The following GALNTL6 variants were observed in gnomAD, a reference collection of about 807,000 sequenced individuals.
The protein encoded by GALNTL6 is polypeptide N-acetylgalactosaminyltransferase-like 6.
GALNTL6 carries 46 observed loss-of-function variants against 73.7 expected under a neutral mutation model. The ratio of observed to expected loss-of-function variants is 0.62; its 90% CI spans 0.49 to 0.80. The LOEUF (loss-of-function observed/expected upper bound fraction) is 0.80, where lower values mean the gene tolerates loss of function less well. Ranked by LOEUF, GALNTL6 falls within the 30% of genes least tolerant of loss-of-function variation. The pLI is 0.00. For missense variants in GALNTL6, 604 were observed against 755.0 expected, an observed-to-expected ratio of 0.80 and a Z score of 2.34; for synonymous variants, 259 against 263.7, an observed-to-expected ratio of 0.98 and a Z score of 0.17.
At chr4:172,667,630 G>A (rs1252972535) in intron 5 of GALNTL6, 1 of 152,272 alleles carries the variant, frequency 6.6e-6, no homozygotes, top group Non-Finnish European at 1.5e-5. Context: ...TTTTTGGGGT[G>A]GCATCTTCCT....
chr4:172,702,752 T>C (rs1258594234), intron 5 of GALNTL6, among the ~76,000 whole-genome samples: 1 of 152,066 alleles, frequency 6.6e-6, no homozygotes, highest in Non-Finnish European at 1.5e-5. Flanking sequence ...AATAAATTTC[T>C]GTTGTTTACA....
chr4:172,327,350 C>T (rs1740977965), intron 4 of GALNTL6, among the ~76,000 whole-genome samples: 1 of 151,954 alleles, frequency 6.6e-6, no homozygotes, highest in African/African-American at 2.4e-5. Flanking sequence ...GTGCCATGTG[C>T]AGCTTAGAAA....
intron 12 of GALNTL6, among the ~76,000 whole-genome samples, chr4:173,021,989 GT>G (rs1275068236): frequency 1.3e-5 from 2 of 148,362 alleles, no homozygotes; most frequent in Non-Finnish European, 3.0e-5. Flanking sequence ...GCAAGACTCT[GT>G]TAAGAAAAGA....
chr4:172,559,225 C>T (rs564403532), intron 5 of GALNTL6, among the ~76,000 whole-genome samples: 11 of 151,800 alleles, frequency 7.2e-5, no homozygotes, highest in African/African-American at 2.7e-4. Flanking sequence ...CCACCACGCC[C>T]AGCTAATTTT....
chr4:172,568,345 C>A (rs577881644), intron 5 of GALNTL6, among the ~76,000 whole-genome samples: 1 of 152,194 alleles, frequency 6.6e-6, no homozygotes, highest in African/African-American at 2.4e-5. Flanking sequence ...CTCTCCCAGG[C>A]TGTTATCCTA....
At chr4:171,969,985 A>C (rs369534714) in intron 2 of GALNTL6, among the ~76,000 whole-genome samples, 10 of 152,188 alleles carry the variant, frequency 6.6e-5, no homozygotes, top group South Asian at 6.2e-4. Flanking sequence ...TGACCATGCT[A>C]GTCTTGAACT....
intron 5 of GALNTL6, among the ~76,000 whole-genome samples, chr4:172,469,449 T>TA (rs36066213): frequency 0.43 from 62,709 of 145,510 alleles, 15,669 homozygotes; most frequent in South Asian, 0.67. Flanking sequence ...CTACAAAAAA[T>TA]AAAAAAAAAA....
At chr4:172,037,037 C>T (rs1275123083) in intron 2 of GALNTL6, among the ~76,000 whole-genome samples, 1 of 151,952 alleles carries the variant, frequency 6.6e-6, no homozygotes, top group Non-Finnish European at 1.5e-5. Flanking sequence ...GCTGGAGTTC[C>T]CTACATTAGA....
chr4:172,803,947 G>A (rs1740810138), intron 5 of GALNTL6, among the ~76,000 whole-genome samples: 1 of 152,126 alleles, frequency 6.6e-6, no homozygotes, highest in South Asian at 2.1e-4. Context: ...TATCAAAAGG[G>A]ACTGATTTAG....
At chr4:172,873,667 C>A (rs1745053407) in intron 7 of GALNTL6, among the ~76,000 whole-genome samples, 1 of 152,186 alleles carries the variant, frequency 6.6e-6, no homozygotes, top group African/African-American at 2.4e-5. Flanking sequence ...CCTAGAGGGG[C>A]AAATAAGGTG....
chr4:172,769,645 A>C (rs903048967), intron 5 of GALNTL6, among the ~76,000 whole-genome samples: 24 of 152,238 alleles, frequency 1.6e-4, no homozygotes, highest in African/African-American at 5.8e-4. Context: ...TACTTAGAGA[A>C]GAGAAAAACT....
chr4:171,999,880 C>T (rs1740620359), intron 2 of GALNTL6, among the ~76,000 whole-genome samples: 1 of 152,140 alleles, frequency 6.6e-6, no homozygotes, highest in Admixed American at 6.6e-5. Context: ...TCATAGATCT[C>T]CAATTACTAA....
chr4:172,501,725 T>C (rs1310072238), intron 5 of GALNTL6, among the ~76,000 whole-genome samples: 1 of 152,146 alleles, frequency 6.6e-6, no homozygotes, highest in African/African-American at 2.4e-5. Flanking sequence ...TCCACATAAA[T>C]ATGATCCAGG....
At chr4:171,973,172 T>TC (rs1484560141) in intron 2 of GALNTL6, among the ~76,000 whole-genome samples, 1 of 152,152 alleles carries the variant, frequency 6.6e-6, no homozygotes, top group Admixed American at 6.6e-5. Flanking sequence ...TCAGATATAG[T>TC]GTTTCTAAGT....
chr4:172,784,097 T>A (rs1739521179), intron 5 of GALNTL6, among the ~76,000 whole-genome samples: 1 of 152,148 alleles, frequency 6.6e-6, no homozygotes, highest in Non-Finnish European at 1.5e-5. Flanking sequence ...TTATAAATAA[T>A]TTTTATTTAT....
intron 5 of GALNTL6, among the ~76,000 whole-genome samples, chr4:172,487,877 T>C (rs1477559257): frequency 6.6e-6 from 1 of 152,208 alleles, no homozygotes; most frequent in African/African-American, 2.4e-5. Context: ...TAAGTTCCTC[T>C]TCCTTAAGTT....
chr4:171,868,363 G>C (rs529104645), intron 2 of GALNTL6, among the ~76,000 whole-genome samples: 2 of 144,282 alleles, frequency 1.4e-5, no homozygotes, highest in Non-Finnish European at 3.0e-5. Context: ...ATTTTGATTC[G>C]CGTCTGTAAA....
chr4:172,096,862 C>G (rs1732371833), intron 2 of GALNTL6, among the ~76,000 whole-genome samples: 1 of 152,160 alleles, frequency 6.6e-6, no homozygotes, highest in Admixed American at 6.6e-5. Flanking sequence ...ACGCTGGGAA[C>G]CAGTAAACTT....
At chr4:172,163,196 G>A (rs1316457124) in intron 2 of GALNTL6, among the ~76,000 whole-genome samples, 2 of 151,926 alleles carry the variant, frequency 1.3e-5, no homozygotes, top group African/African-American at 4.8e-5. Flanking sequence ...ATAATTATAA[G>A]AAATGTTTCT....
Sources: allele counts gnomAD v4.1 joint callset (sites outside exome capture counted in the v4.1 genomes callset), GRCh38; gene constraint gnomAD v4.1.1; transcripts MANE v1.5; gene names NCBI Gene and HGNC (gene_info 2026-07-23, HGNC 2026-07-21).